MYH3: variants seen among roughly 807,000 people sequenced by gnomAD.
MYH3 encodes the protein myosin heavy chain 3, also known as myosin-3.
A neutral mutation model predicts 238.0 loss-of-function variants in MYH3; 130 were observed. The ratio of observed to expected loss-of-function variants is 0.55; its 90% CI spans 0.47 to 0.63. MYH3 has a LOEUF of 0.63. MYH3 is among the 30% of genes least tolerant of loss of function. The pLI is 0.00. For synonymous variants in MYH3, 880 were observed against 924.1 expected, an observed-to-expected ratio of 0.95 and a Z score of 0.86; for missense variants, 1,853 against 2,374.9, an observed-to-expected ratio of 0.78 and a Z score of 4.57.
At chr17:10,666,748 C>A in the MYH3 span, among the ~76,000 whole-genome samples, 5 of 151,668 alleles carry the variant, frequency 3.3e-5, no homozygotes, top group Non-Finnish European at 7.4e-5. Flanking sequence ...GGCAACAGAG[C>A]AAGACAAAAA....
At chr17:10,630,068 T>C in intron 38 of MYH3, 24 bp downstream of exon 38, 1 of 1,610,702 alleles carries the variant, frequency 6.2e-7, no homozygotes, top group Non-Finnish European at 8.5e-7. Flanking sequence ...GAGGACACGA[T>C]CATGGCGTTT....
chr17:10,638,417 G>C lies in MYH3; in HGVS notation c.3355C>G (p.Leu1119Val), dbSNP rs749498434. Residue 1119 changes from leucine (L) to valine (V), a missense_variant, in exon 27 of 41, where the codon CTG becomes GTG. Physicochemically the swap from Leu to Val is conservative, Grantham distance 32 (BLOSUM62 1). Coordinates refer to ENST00000583535, the MANE Select transcript of MYH3 (RefSeq NM_002470.4). ...CTCTCCGCCTCTATCTCCTCTTCCA[G>C]CTCCTCAATTCGAGCCTGTGGAGGG... ...IKELQARIEE[L>V]EEEIEAERAT... The C allele has an allele frequency of 3.1e-6, 5 of 1,600,108 alleles. No homozygotes were observed. The highest frequency in any genetic ancestry group is 1.7e-5 in the Admixed American group (1 of 59,962).
chr17:10,637,187 G>C (rs1241235941), intron 28 of MYH3, among the ~76,000 whole-genome samples: 2 of 151,770 alleles, frequency 1.3e-5, no homozygotes, highest in South Asian at 2.1e-4. Flanking sequence ...AGCCTCCCAA[G>C]TAGCTGGGAT....
At chr17:10,637,126 C>G (rs568148395) in intron 28 of MYH3, among the ~76,000 whole-genome samples, 1 of 150,624 alleles carries the variant, frequency 6.6e-6, no homozygotes, top group South Asian at 2.1e-4. Flanking sequence ...ATGGCATAAT[C>G]TCGGCTCACT....
At chr17:10,665,499 T>C in the MYH3 span, among the ~76,000 whole-genome samples, 1 of 152,206 alleles carries the variant, frequency 6.6e-6, no homozygotes, top group Non-Finnish European at 1.5e-5. Flanking sequence ...CAAACCTGGC[T>C]ATCCCTTAGA....
Position 10,639,495 on chromosome 17 carries a change from A to T in MYH3, c.2926-21T>A, listed in dbSNP as rs2074248349. The T allele has an allele frequency of 1.9e-6, 3 of 1,613,932 alleles. No individual in the cohort carries two copies. In the African/African-American group the frequency reaches 4.0e-5, roughly 22 times the overall value. On this transcript the variant is annotated intron_variant, in intron 23 of 40. Transcript: ENST00000583535. ...TTAACCTAAGAAGAATTCGCAAGCA[A>T]TTATAAGCTTAAAGTTTAGTTTGCA...
In MYH3 at chr17:10,642,423, C is replaced by T. The variant is rs1410911334; in HGVS notation, c.1882G>A (p.Ala628Thr). The change falls in exon 16 of 41, where the codon GCG becomes ACG. Residue 628 changes from alanine to threonine, a missense_variant. By Grantham distance (58) the Ala-to-Thr change is moderately conservative (BLOSUM62 0). Coordinates refer to ENST00000583535, the MANE Select transcript of MYH3 (RefSeq NM_002470.4). The surrounding 1 kb of genome is among the most constrained non-coding windows in gnomAD (Gnocchi z 5.4). ...LAHLYATFAT[A>T]DADSGKKKVA... ...CACAAAGCACTCCTCTTACCATCCG[C>T]CGTGGCAAACGTGGCATAGAGGTGT... The T allele has an allele frequency of 6.2e-7, 1 of 1,614,150 alleles. No individual in the cohort carries two copies. The highest frequency in any genetic ancestry group is 8.5e-7 in the Non-Finnish European group (1 of 1,180,016).
At chr17:10,667,216 G>C in the MYH3 span, among the ~76,000 whole-genome samples, 1 of 152,182 alleles carries the variant, frequency 6.6e-6, no homozygotes, top group East Asian at 1.9e-4. Context: ...CCACTTCTAG[G>C]AACCTACGGT....
At chr17:10,662,805 G>T in the MYH3 span, among the ~76,000 whole-genome samples, 3 of 152,104 alleles carry the variant, frequency 2.0e-5, no homozygotes, top group Non-Finnish European at 4.4e-5. Context: ...ACATTATCGG[G>T]GCTGAGTGCA....
At position 10,628,691 on chromosome 17, in the gene MYH3, G is replaced by C. The variant is rs374799651; in HGVS notation, c.5797-12C>G. On this transcript the variant is annotated splice_polypyrimidine_tract_variant and intron_variant, in intron 40 of 40. Transcript: ENST00000583535. The stretch of plus-strand genomic sequence containing the variant: ...TCGTGGACCACCATCTAGGAAGAAA[G>C]TAGGCACCTGGAGTCAAGTCGGGTG... The C allele has an allele frequency of 1.2e-4, 187 of 1,614,188 alleles. No homozygotes were observed. The African/African-American group carries it at 2.1e-3, about 18-fold the overall frequency.
At chr17:10,665,147 A>AT in the MYH3 span, among the ~76,000 whole-genome samples, 3 of 151,672 alleles carry the variant, frequency 2.0e-5, no homozygotes, top group African/African-American at 7.3e-5. Context: ...TTTATTTTTT[A>AT]TTTTTTTATT....
the MYH3 span, chr17:10,678,225 A>C: frequency 6.6e-6 from 1 of 152,376 alleles, no homozygotes; most frequent in South Asian, 2.1e-4. Context: ...GGATTCACAC[A>C]GTCACCATAA....
rs754827943 is a variant in MYH3 at position 10,647,444 on chromosome 17, CA to C, written c.736-19del. ...AACTTGCCCTGTATGGGGCGGGATT[CA>C]GGGGGAGACCAGATTCTACCATGGC... is the stretch of plus-strand genomic sequence containing the variant. On this transcript the variant is annotated intron_variant, in intron 8 of 40. Coordinates refer to ENST00000583535, the MANE Select transcript of MYH3 (RefSeq NM_002470.4). 1.2e-5 allele frequency: 20 copies of C among 1,613,778 alleles called. 1 individual carries two copies. Among genetic ancestry groups the C allele is most frequent in the Non-Finnish European group, 3.4e-6 (4 of 1,179,732 alleles).
chr17:10,675,659 A>T, the MYH3 span: 77,149 of 152,076 alleles, frequency 0.51, 20,382 homozygotes, highest in African/African-American at 0.65. Flanking sequence ...CTGACTTTTA[A>T]CACGATGGGT....
At chr17:10,677,557 G>A in the MYH3 span, 1 of 152,134 alleles carries the variant, frequency 6.6e-6, no homozygotes, top group African/African-American at 2.4e-5. Flanking sequence ...AGGATCTTAT[G>A]CAGACGCATT....
intron 28 of MYH3, among the ~76,000 whole-genome samples, chr17:10,636,855 A>G (rs1034552683): frequency 1.3e-5 from 2 of 149,602 alleles, no homozygotes; most frequent in African/African-American, 4.9e-5. Flanking sequence ...CGGAGTTTGC[A>G]GTGAGCCGAG....
chr17:10,636,181 C>T (rs368952000), intron 28 of MYH3, among the ~76,000 whole-genome samples: 5 of 148,262 alleles, frequency 3.4e-5, no homozygotes, highest in East Asian at 4.1e-4. Context: ...ATTAGCCGGG[C>T]GTGGTCATGG....
chr17:10,677,081 CG>C, the MYH3 span: 1 of 152,098 alleles, frequency 6.6e-6, no homozygotes, highest in Non-Finnish European at 1.5e-5. Flanking sequence ...CCAAGGCGGG[CG>C]GATCACCTGA....
At chr17:10,635,294 C>T (rs780672334) in intron 30 of MYH3, 73 bp downstream of exon 30, 22 of 1,610,818 alleles carry the variant, frequency 1.4e-5, no homozygotes, top group South Asian at 6.6e-5. Context: ...GATGGGGAAA[C>T]GCCTAGTAAT....
Sources: gnomAD v4.1 joint callset for allele counts (sites outside exome capture counted in the v4.1 genomes callset) on GRCh38, gnomAD v4.1.1 for gene constraint, Gnocchi (gnomAD v3.1) non-coding constraint, MANE v1.5 for transcripts, NCBI Gene and HGNC (gene_info 2026-07-23, HGNC 2026-07-21) for gene names.